The following TJP1 variants were observed in gnomAD, a reference collection of about 807,000 sequenced individuals.
The protein encoded by TJP1 is tight junction protein 1.
In TJP1, 43 loss-of-function variants were observed where a neutral mutation model predicts 194.2. That is an observed-to-expected ratio of 0.22 (90% CI 0.17 to 0.29). The LOEUF is 0.29. Among genes scored for constraint, TJP1 ranks in the 10% least tolerant of loss-of-function variants. The probability of loss-of-function intolerance (pLI) is 1.00; values close to 1 mark genes in which losing one functional copy is unlikely to be tolerated. For missense variants in TJP1, 1,971 were observed against 2,185.7 expected, an observed-to-expected ratio of 0.90 and a Z score of 1.96; for synonymous variants, 801 against 779.0, an observed-to-expected ratio of 1.03 and a Z score of -0.47.
intron 2 of TJP1, among the ~76,000 whole-genome samples, chr15:29,783,377 G>C (rs1206277849): frequency 1.3e-5 from 2 of 152,128 alleles, no homozygotes; most frequent in African/African-American, 4.8e-5. Flanking sequence ...AGGCTACAGG[G>C]AAAAGGGACT....
At chr15:29,811,303 G>T (rs1430367381) in intron 1 of TJP1, among the ~76,000 whole-genome samples, 1 of 151,862 alleles carries the variant, frequency 6.6e-6, no homozygotes, top group African/African-American at 2.4e-5. Context: ...GCGGGGGAGA[G>T]CGGAGAGAAA....
At chr15:29,807,840 AT>A (rs1159056489) in intron 1 of TJP1, among the ~76,000 whole-genome samples, 3 of 152,178 alleles carry the variant, frequency 2.0e-5, no homozygotes, top group African/African-American at 7.2e-5. Flanking sequence ...TTTGGAAAAA[AT>A]ATTTACGTAC....
intron 11 of TJP1, among the ~76,000 whole-genome samples, chr15:29,734,608 C>T (rs1033779586): frequency 1.3e-5 from 2 of 151,892 alleles, no homozygotes; most frequent in Admixed American, 6.6e-5. Context: ...CTCAGCCTCC[C>T]GAGTAGCTGG....
At chr15:29,837,127 T>C (rs578238886) in intron 2 of TJP1, among the ~76,000 whole-genome samples, 2 of 152,352 alleles carry the variant, frequency 1.3e-5, no homozygotes, top group Admixed American at 1.3e-4. Context: ...CTGTATTATT[T>C]ACTTTTCTGT....
chr15:29,739,099 T>G (rs930153640), intron 10 of TJP1, among the ~76,000 whole-genome samples: 1 of 152,062 alleles, frequency 6.6e-6, no homozygotes, highest in Non-Finnish European at 1.5e-5. Context: ...GGAAATCCTC[T>G]TCTAACCCTG....
intron 2 of TJP1, among the ~76,000 whole-genome samples, chr15:29,894,215 T>C (rs1841438278): frequency 6.6e-6 from 1 of 152,190 alleles, no homozygotes; most frequent in African/African-American, 2.4e-5. Context: ...TCCCAGCACC[T>C]TGGAAAGCTG....
chr15:29,960,633 C>G (rs1379678302), intron 1 of TJP1, among the ~76,000 whole-genome samples: 1 of 110,830 alleles, frequency 9.0e-6, no homozygotes, highest in Non-Finnish European at 1.8e-5. Context: ...GAGACCATGT[C>G]TCAAAAAAAA....
intron 18 of TJP1, among the ~76,000 whole-genome samples, chr15:29,721,410 G>A (rs1258429479): frequency 1.3e-5 from 2 of 152,078 alleles, no homozygotes; most frequent in Non-Finnish European, 2.9e-5. Context: ...AGCCATATAA[G>A]ACATGCTTCC....
intron 6 of TJP1, among the ~76,000 whole-genome samples, 169 bp downstream of exon 6, chr15:29,762,166 T>C (rs1473135246): frequency 1.3e-5 from 2 of 152,226 alleles, no homozygotes; most frequent in East Asian, 1.9e-4. Context: ...ACCTAAAGCA[T>C]TGGTGTCGAC....
chr15:29,849,868 C>G (rs777579600), intron 2 of TJP1, among the ~76,000 whole-genome samples: 2 of 152,120 alleles, frequency 1.3e-5, no homozygotes, highest in Non-Finnish European at 2.9e-5. Context: ...AACCACCACG[C>G]CTGGCCATTA....
chr15:29,758,503 T>C (rs888167023), intron 8 of TJP1, among the ~76,000 whole-genome samples: 12 of 152,170 alleles, frequency 7.9e-5, no homozygotes, highest in African/African-American at 2.9e-4. Flanking sequence ...ATGAAGAAAG[T>C]GGACATCAAA....
chr15:29,781,801 G>C (rs1351020074), intron 2 of TJP1, among the ~76,000 whole-genome samples: 1 of 152,142 alleles, frequency 6.6e-6, no homozygotes, highest in Non-Finnish European at 1.5e-5. Context: ...ACTAGGCATT[G>C]AAATTGAAGG....
intron 2 of TJP1, among the ~76,000 whole-genome samples, chr15:29,834,518 C>A (rs2050962468): frequency 6.6e-6 from 1 of 152,224 alleles, no homozygotes; most frequent in Non-Finnish European, 1.5e-5. Flanking sequence ...GCACAGCCGG[C>A]CTGAGATGTT....
At chr15:29,868,484 A>G (rs541456618) in intron 2 of TJP1, among the ~76,000 whole-genome samples, 152 of 152,244 alleles carry the variant, frequency 1.0e-3, no homozygotes, top group African/African-American at 3.6e-3. Flanking sequence ...TAAGCTCACT[A>G]TAATATAAAT....
At chr15:29,893,498 G>T (rs923226633) in intron 2 of TJP1, among the ~76,000 whole-genome samples, 1 of 152,034 alleles carries the variant, frequency 6.6e-6, no homozygotes, top group African/African-American at 2.4e-5. Flanking sequence ...GTCCATCCAC[G>T]TGGCCAATTT....
At chr15:29,853,183 T>C (rs761125858) in intron 2 of TJP1, among the ~76,000 whole-genome samples, 15 of 152,204 alleles carry the variant, frequency 9.9e-5, no homozygotes, top group East Asian at 3.8e-4. Context: ...ATTCCATTTA[T>C]AGAACATTTT....
intron 2 of TJP1, among the ~76,000 whole-genome samples, chr15:29,891,903 T>C (rs2053322523): frequency 6.6e-6 from 1 of 152,190 alleles, no homozygotes; most frequent in Non-Finnish European, 1.5e-5. Context: ...AAGGTTCAAA[T>C]GTTCAAGTAA....
chr15:29,750,478 T>C (rs1217980012), intron 8 of TJP1, among the ~76,000 whole-genome samples: 2 of 152,178 alleles, frequency 1.3e-5, no homozygotes, highest in Admixed American at 1.3e-4. Context: ...TCTTTAGTTC[T>C]TACCAGTCAA....
chr15:29,950,104 C>A (rs541011167), intron 2 of TJP1, among the ~76,000 whole-genome samples: 1 of 81,678 alleles, frequency 1.2e-5, no homozygotes, highest in African/African-American at 5.6e-5. Context: ...CCACCTCCAC[C>A]ACCACCACCT....
Sources: gnomAD v4.1 joint callset for allele counts (sites outside exome capture counted in the v4.1 genomes callset) on GRCh38, gnomAD v4.1.1 for gene constraint, MANE v1.5 for transcripts, NCBI Gene and HGNC (gene_info 2026-07-23, HGNC 2026-07-21) for gene names.